Variants in CTNNA3 observed in about 807,000 individuals in gnomAD.
CTNNA3 encodes catenin alpha-3.
In CTNNA3, 76 loss-of-function variants were observed where a neutral mutation model predicts 95.7. That is an observed-to-expected ratio of 0.79 (90% CI 0.66 to 0.96). The LOEUF (loss-of-function observed/expected upper bound fraction) is 0.96. Among genes scored for constraint, CTNNA3 ranks in the 40% least tolerant of loss-of-function variants. The pLI is 0.00. For missense variants in CTNNA3, 1,191 were observed against 1,089.8 expected, an observed-to-expected ratio of 1.09 and a Z score of -1.31; for synonymous variants, 431 against 374.4, an observed-to-expected ratio of 1.15 and a Z score of -1.74.
chr10:66,543,414 C>T (rs770002108), intron 10 of CTNNA3, among the ~76,000 whole-genome samples: 1 of 151,888 alleles, frequency 6.6e-6, no homozygotes, highest in African/African-American at 2.4e-5. Context: ...TAATAAAATG[C>T]TATGCAGCCA....
chr10:67,357,011 C>T (rs1842835275), intron 5 of CTNNA3, among the ~76,000 whole-genome samples: 2 of 152,136 alleles, frequency 1.3e-5, no homozygotes, highest in Admixed American at 1.3e-4. Context: ...TCCTACACAA[C>T]CGTTTAACGT....
intron 7 of CTNNA3, among the ~76,000 whole-genome samples, chr10:67,129,600 A>G (rs1409456291): frequency 6.6e-6 from 1 of 152,176 alleles, no homozygotes; most frequent in African/African-American, 2.4e-5. Flanking sequence ...TAGAGATGAG[A>G]AAAATGTTGA....
rs149838533 is a variant in CTNNA3 at position 67,023,292 on chromosome 10, T to C, written c.1047+157025A>G. Among the ~76,000 whole-genome samples the C allele has an allele frequency of 2.0e-5, 3 of 152,290 alleles. No individual in the cohort carries two copies. The East Asian group carries it at 5.8e-4, about 29-fold the overall frequency. On this transcript the variant is annotated intron_variant, in intron 7 of 17. Transcript: ENST00000433211. ...GATAGAGACCCAGGGAATGTGAAACTGCTGAAAAGGTTCTATGTAGAGTAG... is the reference window on the plus strand; with the variant it reads ...GATAGAGACCCAGGGAATGTGAAACCGCTGAAAAGGTTCTATGTAGAGTAG...
intron 7 of CTNNA3, among the ~76,000 whole-genome samples, chr10:66,994,290 G>A (rs550664280): frequency 1.6e-4 from 25 of 152,292 alleles, no homozygotes; most frequent in African/African-American, 5.8e-4. Flanking sequence ...GACATTTAAC[G>A]TAGTTAAAAA....
intron 5 of CTNNA3, among the ~76,000 whole-genome samples, chr10:67,397,818 G>T (rs1006412093): frequency 6.6e-6 from 1 of 152,208 alleles, no homozygotes; most frequent in Non-Finnish European, 1.5e-5. Flanking sequence ...GGCTAAAAGG[G>T]GTCAAGGTAC....
chr10:66,702,006 G>T (rs965469427), intron 9 of CTNNA3, among the ~76,000 whole-genome samples: 1 of 152,026 alleles, frequency 6.6e-6, no homozygotes, highest in Admixed American at 6.6e-5. Flanking sequence ...ACCCATATGA[G>T]CCATCTGTGG....
chr10:67,737,782 TAGGAA>T (rs1841310953), intron 1 of CTNNA3, among the ~76,000 whole-genome samples: 1 of 152,072 alleles, frequency 6.6e-6, no homozygotes, highest in East Asian at 1.9e-4. Context: ...TGTGGAGAAA[TAGGAA>T]CACTTTTACA....
At chr10:67,306,556 A>T (rs1350042630) in intron 5 of CTNNA3, among the ~76,000 whole-genome samples, 1 of 152,208 alleles carries the variant, frequency 6.6e-6, no homozygotes, top group Non-Finnish European at 1.5e-5. Flanking sequence ...AACCTCAGGA[A>T]CAAGAGTTGG....
chr10:66,679,828 A>G (rs1278957824), intron 9 of CTNNA3, among the ~76,000 whole-genome samples: 4 of 152,190 alleles, frequency 2.6e-5, no homozygotes. Flanking sequence ...CTCTGACACT[A>G]CACTTTCAAG....
At chr10:66,052,655 G>T (rs911619829) in intron 15 of CTNNA3, among the ~76,000 whole-genome samples, 2 of 152,000 alleles carry the variant, frequency 1.3e-5, no homozygotes, top group African/African-American at 2.4e-5. Context: ...GCGAAAAATG[G>T]GTGAGTTCCA....
intron 5 of CTNNA3, among the ~76,000 whole-genome samples, chr10:67,501,289 C>T (rs935266997): frequency 6.6e-6 from 1 of 152,108 alleles, no homozygotes; most frequent in Non-Finnish European, 1.5e-5. Flanking sequence ...TGAATATTGG[C>T]CCCCACTCTC....
In CTNNA3 at chr10:66,448,696, T is replaced by A. The variant is rs188500190; in HGVS notation, c.1532-69344A>T. ...CTGTTGTGGGGTGGGGGAAGGGGGG[T>A]GGGATAGCATTAGGAGATATATCTG... On this transcript the variant is annotated intron_variant, in intron 11 of 17. Transcript: ENST00000433211. Among the ~76,000 whole-genome samples, 201 of 127,366 alleles carry A rather than the reference T, an allele frequency of 1.6e-3. 2 individuals carry two copies. In the East Asian group the frequency reaches 0.04, roughly 25 times the overall value. 83.6% of individuals were successfully genotyped at this position (127,366 alleles called of 152,430 possible). A position where few individuals can be genotyped will look rare whatever the true frequency, so the allele number is the denominator to read the frequency against.
intron 9 of CTNNA3, among the ~76,000 whole-genome samples, chr10:66,746,868 T>A (rs868738260): frequency 0.013 from 1,941 of 150,702 alleles, 48 homozygotes; most frequent in African/African-American, 0.044. Flanking sequence ...GCAGTGTGTG[T>A]GTGTGTGTGT....
intron 9 of CTNNA3, among the ~76,000 whole-genome samples, chr10:66,746,319 A>T (rs1188532304): frequency 6.6e-6 from 1 of 152,190 alleles, no homozygotes; most frequent in East Asian, 1.9e-4. Context: ...CTTTGAATCC[A>T]TTTAGACCTA....
chr10:66,258,276 C>T (rs2090867870), intron 13 of CTNNA3, among the ~76,000 whole-genome samples: 1 of 152,162 alleles, frequency 6.6e-6, no homozygotes, highest in South Asian at 2.1e-4. Flanking sequence ...CAAATATTCA[C>T]AGAAAGCGTT....
intron 10 of CTNNA3, among the ~76,000 whole-genome samples, chr10:66,566,972 G>A (rs766121655): frequency 8.8e-5 from 11 of 124,506 alleles, no homozygotes; most frequent in East Asian, 6.1e-4. Flanking sequence ...AGCAGGGAGC[G>A]GGGAGAAGAG....
intron 15 of CTNNA3, among the ~76,000 whole-genome samples, chr10:66,015,912 T>A (rs1204630985): frequency 1.3e-5 from 2 of 152,196 alleles, no homozygotes; most frequent in Non-Finnish European, 2.9e-5. Context: ...TGCAGCAATT[T>A]AGCAAGTATG....
At chr10:66,229,284 C>T (rs2089469944) in intron 13 of CTNNA3, among the ~76,000 whole-genome samples, 1 of 152,092 alleles carries the variant, frequency 6.6e-6, no homozygotes, top group Non-Finnish European at 1.5e-5. Flanking sequence ...ACTTCTTTCT[C>T]TTTCTTACTT....
intron 7 of CTNNA3, among the ~76,000 whole-genome samples, chr10:67,068,937 G>A (rs1025226132): frequency 5.9e-5 from 9 of 152,146 alleles, no homozygotes; most frequent in African/African-American, 1.9e-4. Context: ...GCAGGTACCT[G>A]TAATCCCAGC....
Sources: gnomAD v4.1 joint callset for allele counts (sites outside exome capture counted in the v4.1 genomes callset) on GRCh38, gnomAD v4.1.1 for gene constraint, MANE v1.5 for transcripts, NCBI Gene and HGNC (gene_info 2026-07-23, HGNC 2026-07-21) for gene names.